The following ANO1 variants were observed in gnomAD, a reference collection of about 807,000 sequenced individuals.
ANO1 encodes the protein anoctamin 1.
Under a neutral mutation model 124.0 loss-of-function variants are expected in ANO1, and 59 were observed. That is an observed-to-expected ratio of 0.48 (90% CI 0.39 to 0.59). The LOEUF (loss-of-function observed/expected upper bound fraction) is 0.59, where lower values mean the gene tolerates loss of function less well. Ranked by LOEUF, ANO1 falls within the 20% of genes least tolerant of loss-of-function variation. The pLI is 0.00. For missense variants in ANO1, 1,059 were observed against 1,328.0 expected, an observed-to-expected ratio of 0.80 and a Z score of 3.15; for synonymous variants, 529 against 532.0, an observed-to-expected ratio of 0.99 and a Z score of 0.08.
rs558640605 is a variant in ANO1, at chr11:70,089,056, G to A, written c.441+972G>A. Among the ~76,000 whole-genome samples the A allele has an allele frequency of 1.1e-4, 16 of 152,320 alleles. No homozygotes were observed. In the South Asian group the frequency reaches 2.9e-3, roughly 28 times the overall value. On this transcript the variant is annotated intron_variant, in intron 2 of 25. Coordinates refer to ENST00000355303, the MANE Select transcript of ANO1 (RefSeq NM_018043.7). Reference sequence around the variant, plus strand: ...CTAGCACAGCGGTGCTTCCTTCAGCGGCTCTGCTGGCTGCTGTGTGCTCTC... The same window carrying A: ...CTAGCACAGCGGTGCTTCCTTCAGCAGCTCTGCTGGCTGCTGTGTGCTCTC...
intron 1 of ANO1, among the ~76,000 whole-genome samples, chr11:70,029,728 G>A (rs1297389381): frequency 1.3e-5 from 2 of 152,226 alleles, no homozygotes; most frequent in African/African-American, 4.8e-5. Flanking sequence ...GAGGTGAGAA[G>A]TCTGGAATGA....
intron 15 of ANO1, among the ~76,000 whole-genome samples, chr11:70,156,430 C>G (rs550452911): frequency 6.6e-6 from 1 of 152,326 alleles, no homozygotes; most frequent in East Asian, 1.9e-4. Flanking sequence ...CCAGACCAAG[C>G]CAACCCTGGG....
intron 2 of ANO1, among the ~76,000 whole-genome samples, chr11:70,099,892 AG>A (rs1436817297): frequency 6.6e-6 from 1 of 152,198 alleles, no homozygotes; most frequent in Non-Finnish European, 1.5e-5. Context: ...CAGGCCTCTA[AG>A]CACAGTGCCC....
upstream of ANO1, among the ~76,000 whole-genome samples, chr11:70,074,480 AG>A (rs1453950189): frequency 6.6e-6 from 1 of 152,076 alleles, no homozygotes; most frequent in Admixed American, 6.6e-5. Context: ...CTCTGGTTTG[AG>A]GGGTGGGGGT....
intron 22 of ANO1, among the ~76,000 whole-genome samples, chr11:70,177,621 A>G (rs1352319091): frequency 1.0e-5 from 1 of 95,450 alleles, no homozygotes; most frequent in Non-Finnish European, 2.0e-5. Context: ...TTTTTTTGAG[A>G]CAGAGCCTCG....
the ANO1 span, among the ~76,000 whole-genome samples, chr11:69,966,671 G>A: frequency 1.3e-5 from 2 of 152,150 alleles, no homozygotes; most frequent in African/African-American, 2.4e-5. Flanking sequence ...GGGCGTTGGG[G>A]TGAGAGGCAG....
intron 1 of ANO1, among the ~76,000 whole-genome samples, chr11:70,003,609 GGATGGATGGATGGATGGATGGA>G (rs1565158116): frequency 2.0e-4 from 28 of 138,298 alleles, no homozygotes; most frequent in African/African-American, 7.2e-4. Flanking sequence ...ATGGATGGAT[GGATGGATGGATGGATGGATGGA>G]TGGATGGATG....
At chr11:70,115,243 A>G (rs2045932024) in intron 7 of ANO1, among the ~76,000 whole-genome samples, 1 of 152,124 alleles carries the variant, frequency 6.6e-6, no homozygotes. Flanking sequence ...GGGTCATGGA[A>G]GTTGCTGGTG....
chr11:70,126,199 G>A lies in ANO1; in HGVS notation c.1097+4G>A. ...CCATGGATGAAAACATCCCCAGGTAGGCGGCAGCCCACCCCCACCACCCCG... is the reference window on the plus strand; with the variant it reads ...CCATGGATGAAAACATCCCCAGGTAAGCGGCAGCCCACCCCCACCACCCCG... On this transcript the variant is annotated splice_donor_region_variant and intron_variant, in intron 10 of 25. Coordinates refer to ENST00000355303, the MANE Select transcript of ANO1 (RefSeq NM_018043.7). The A allele has an allele frequency of 6.2e-7, 1 of 1,610,550 alleles. No individual in the cohort carries two copies. The highest frequency in any genetic ancestry group is 1.3e-5 in the African/African-American group (1 of 74,998).
intron 1 of ANO1, among the ~76,000 whole-genome samples, chr11:70,002,461 C>A (rs868936102): frequency 4.6e-4 from 44 of 94,924 alleles, no homozygotes; most frequent in Middle Eastern, 6.0e-3. Flanking sequence ...GAGACTCCAC[C>A]AAAAAAAAAA....
intron 23 of ANO1, 129 bp from the exon 24 acceptor site, chr11:70,182,373 A>G (rs887546015): frequency 1.1e-5 from 8 of 706,504 alleles, no homozygotes; most frequent in Non-Finnish European, 1.7e-5. Context: ...CTGTGCGGCT[A>G]TGGTCCCCGC....
intron 1 of ANO1, among the ~76,000 whole-genome samples, chr11:70,062,926 T>C (rs921208707): frequency 2.0e-5 from 3 of 151,804 alleles, no homozygotes; most frequent in Admixed American, 6.6e-5. Context: ...GTTGTTGTTG[T>C]TTGTTGTTGT....
Position 70,103,649 on chromosome 11 carries a change from A to G in ANO1, c.541-350A>G, listed in dbSNP as rs1381933292. ...CCCAGAAGCTTAGCTTGGAGTCGGT[A>G]TTTACTCTGGCAGGCGGACGGGTGA... On this transcript the variant is annotated intron_variant, in intron 3 of 25. Transcript: ENST00000355303. Among the ~76,000 whole-genome samples the G allele has an allele frequency of 7.2e-5, 11 of 152,276 alleles. No individual in the cohort carries two copies. In the East Asian group the frequency reaches 1.7e-3, roughly 24 times the overall value.
intron 10 of ANO1, among the ~76,000 whole-genome samples, chr11:70,128,545 A>G (rs1172250410): frequency 6.6e-6 from 1 of 152,174 alleles, no homozygotes; most frequent in Non-Finnish European, 1.5e-5. Flanking sequence ...AGAAATGCAA[A>G]CAGCAGTTAC....
chr11:70,166,745 A>C (rs1265158308), intron 20 of ANO1, among the ~76,000 whole-genome samples: 1 of 152,200 alleles, frequency 6.6e-6, no homozygotes, highest in Non-Finnish European at 1.5e-5. Context: ...TGTAGCCAGC[A>C]AAGCCATGAC....
At chr11:70,048,777 C>T (rs374674687) in intron 1 of ANO1, among the ~76,000 whole-genome samples, 3 of 149,926 alleles carry the variant, frequency 2.0e-5, no homozygotes, top group South Asian at 2.1e-4. Context: ...CTGTTTTGTG[C>T]GTGCCGGAGA....
chr11:70,053,956 T>A (rs1261518161), intron 1 of ANO1, among the ~76,000 whole-genome samples: 2 of 152,372 alleles, frequency 1.3e-5, no homozygotes, highest in African/African-American at 2.4e-5. Context: ...GATTTTCCAA[T>A]GTATTTGAAT....
At chr11:70,187,437 G>A (rs1332359541) in intron 25 of ANO1, among the ~76,000 whole-genome samples, 1 of 152,144 alleles carries the variant, frequency 6.6e-6, no homozygotes, top group East Asian at 1.9e-4. Flanking sequence ...CGTTAGATTT[G>A]GCGATGTGTG....
At chr11:70,119,548 G>T (rs558275588) in intron 8 of ANO1, among the ~76,000 whole-genome samples, 1 of 151,468 alleles carries the variant, frequency 6.6e-6, no homozygotes, top group South Asian at 2.1e-4. Flanking sequence ...GGATGGATGG[G>T]TGCTGGAGGA....
Sources: allele counts gnomAD v4.1 joint callset (sites outside exome capture counted in the v4.1 genomes callset), GRCh38; gene constraint gnomAD v4.1.1; transcripts MANE v1.5; gene names NCBI Gene and HGNC (gene_info 2026-07-23, HGNC 2026-07-21).